The following SYNE2 variants were observed in gnomAD, a reference collection of about 807,000 sequenced individuals.
The protein encoded by SYNE2 is spectrin repeat containing nuclear envelope protein 2.
A neutral mutation model predicts 856.3 loss-of-function variants in SYNE2; 431 were observed. The observed-to-expected ratio is 0.50, with a 90% CI of 0.47 to 0.55. SYNE2 has a LOEUF of 0.55. Ranked by LOEUF, SYNE2 falls within the 20% of genes least tolerant of loss-of-function variation. The probability of loss-of-function intolerance (pLI) is 0.00; values close to 1 mark genes in which losing one functional copy is unlikely to be tolerated. For missense variants in SYNE2, 8,129 were observed against 8,023.2 expected, an observed-to-expected ratio of 1.01 and a Z score of -0.50; for synonymous variants, 2,923 against 2,872.3, an observed-to-expected ratio of 1.02 and a Z score of -0.56.
chr14:63,938,418 T>C (rs549928134), intron 2 of SYNE2, among the ~76,000 whole-genome samples: 1 of 152,106 alleles, frequency 6.6e-6, no homozygotes, highest in Non-Finnish European at 1.5e-5. Flanking sequence ...AGCAACAGAG[T>C]GAGACCTTGT....
chr14:64,211,871 C>G (rs2098643117), intron 103 of SYNE2, 90 bp from the exon 104 acceptor site: 1 of 1,589,112 alleles, frequency 6.3e-7, no homozygotes, highest in Non-Finnish European at 8.6e-7. Context: ...TTCTGGGTAC[C>G]CTTTTCTTGT....
At chr14:64,060,669 A>G (rs1176454042) in intron 49 of SYNE2, among the ~76,000 whole-genome samples, 1 of 152,006 alleles carries the variant, frequency 6.6e-6, no homozygotes, top group African/African-American at 2.4e-5. Flanking sequence ...ACTTGGTCAC[A>G]TGCCCCAACA....
At chr14:64,092,951 A>C in intron 60 of SYNE2, among the ~76,000 whole-genome samples, 1 of 150,808 alleles carries the variant, frequency 6.6e-6, no homozygotes, top group African/African-American at 2.5e-5. Flanking sequence ...CTATGCGGAA[A>C]GCCCCCCCGC....
chr14:63,815,059 TATAC>T (rs1048397461), intron 1 of SYNE2, among the ~76,000 whole-genome samples: 8 of 145,704 alleles, frequency 5.5e-5, no homozygotes, highest in African/African-American at 2.0e-4. Context: ...TATATCCATA[TATAC>T]ATCCACATAT....
At chr14:64,095,285 A>G (rs147781315) in intron 61 of SYNE2, among the ~76,000 whole-genome samples, 98 of 152,356 alleles carry the variant, frequency 6.4e-4, no homozygotes, top group Admixed American at 1.8e-3. Flanking sequence ...CTTTGAAACT[A>G]TACTAAAACC....
chr14:64,119,685 G>A (rs1242444226), intron 67 of SYNE2, 76 bp downstream of exon 67: 1 of 1,484,216 alleles, frequency 6.7e-7, no homozygotes. Flanking sequence ...ACTCTGGTTG[G>A]AAGTGATGAA....
At chr14:63,997,775 A>C (rs1359158883) in intron 25 of SYNE2, among the ~76,000 whole-genome samples, 1 of 152,158 alleles carries the variant, frequency 6.6e-6, no homozygotes, top group Non-Finnish European at 1.5e-5. Flanking sequence ...GCTGCATTAT[A>C]ATGTATTTCA....
At chr14:63,949,800 G>T (rs768588852) in intron 6 of SYNE2, 25 bp from the exon 7 acceptor site, 1 of 1,613,438 alleles carries the variant, frequency 6.2e-7, no homozygotes, top group Admixed American at 1.7e-5. Context: ...TTTTATAAAC[G>T]TTAAGTCTAC....
chr14:64,038,732 A>C (rs1191013011), intron 45 of SYNE2, among the ~76,000 whole-genome samples: 1 of 152,254 alleles, frequency 6.6e-6, no homozygotes. Flanking sequence ...AATCGCAGGC[A>C]TTCAGCAGGC....
Position 64,218,440 on chromosome 14 carries a change from G to A in SYNE2, c.19585G>A (p.Gly6529Ser). ...LPPGTDGGKEGPRVLNGNPQQ... is the reference protein window; with the variant it reads ...LPPGTDGGKESPRVLNGNPQQ... ...TCCAGGCACGGATGGTGGCAAAGAA[G>A]GCCCGCGAGTCCTGAATGGCAACCC... The change falls in exon 109 of 116, where the codon GGC (glycine) becomes AGC (serine). Residue 6529 changes from glycine to serine, a missense_variant. Physicochemically the swap from Gly to Ser is moderately conservative, Grantham distance 56. Coordinates refer to ENST00000555002, the MANE Select transcript of SYNE2 (RefSeq NM_182914.3). 6.2e-7 allele frequency: 1 copy of A among 1,614,110 alleles called. No homozygotes were observed. The highest frequency in any genetic ancestry group is 8.5e-7 in the Non-Finnish European group (1 of 1,180,024).
intron 88 of SYNE2, chr14:64,162,618 T>C: frequency 2.8e-6 from 1 of 356,538 alleles, no homozygotes; most frequent in South Asian, 2.4e-5. Flanking sequence ...TAATACATGT[T>C]GTATCTCTTG....
chr14:64,111,492 G>A (rs2097806253), intron 65 of SYNE2, among the ~76,000 whole-genome samples: 1 of 151,566 alleles, frequency 6.6e-6, no homozygotes, highest in African/African-American at 2.4e-5. Context: ...TCACACAACT[G>A]TTGCTTTTTT....
chr14:64,030,296 C>T (rs1041866755), intron 44 of SYNE2, among the ~76,000 whole-genome samples: 7 of 152,192 alleles, frequency 4.6e-5, no homozygotes, highest in African/African-American at 1.4e-4. Flanking sequence ...ACCCACTAGA[C>T]TGTAGCACCT....
At chr14:63,837,086 A>T (rs987906616) in intron 1 of SYNE2, among the ~76,000 whole-genome samples, 1 of 152,204 alleles carries the variant, frequency 6.6e-6, no homozygotes, top group African/African-American at 2.4e-5. Context: ...ACTCTTAAGG[A>T]TGCAGGAAAT....
intron 1 of SYNE2, among the ~76,000 whole-genome samples, chr14:63,899,825 G>A (rs2095311559): frequency 6.6e-6 from 1 of 152,156 alleles, no homozygotes; most frequent in African/African-American, 2.4e-5. Context: ...GTTCTAGTAT[G>A]GTGACTAGCT....
intron 1 of SYNE2, among the ~76,000 whole-genome samples, chr14:63,801,764 G>A (rs369844617): frequency 1.4e-3 from 210 of 150,576 alleles, no homozygotes; most frequent in African/African-American, 3.7e-3. Flanking sequence ...TAATTTATTC[G>A]TCTTAAGAAG....
At chr14:64,007,821 G>A (rs1051106906) in intron 31 of SYNE2, among the ~76,000 whole-genome samples, 1 of 152,090 alleles carries the variant, frequency 6.6e-6, no homozygotes, top group Non-Finnish European at 1.5e-5. Flanking sequence ...GACCAGCCTG[G>A]CCAACATGGC....
intron 97 of SYNE2, 47 bp downstream of exon 97, chr14:64,186,626 A>T (rs775519567): frequency 6.2e-7 from 1 of 1,612,736 alleles, no homozygotes; most frequent in South Asian, 1.1e-5. Flanking sequence ...GTGGATTGAA[A>T]TGTCTCTGAA....
intron 6 of SYNE2, among the ~76,000 whole-genome samples, chr14:63,944,513 C>CTTTT (rs2095986073): frequency 1.5e-5 from 2 of 132,526 alleles, no homozygotes; most frequent in African/African-American, 6.2e-5. Context: ...AACTTAAAGC[C>CTTTT]TTTCTTTTTT....
Sources: allele counts gnomAD v4.1 joint callset (sites outside exome capture counted in the v4.1 genomes callset), GRCh38; gene constraint gnomAD v4.1.1; transcripts MANE v1.5; gene names NCBI Gene and HGNC (gene_info 2026-07-23, HGNC 2026-07-21).